NR1H4: variants seen among roughly 807,000 people sequenced by gnomAD.
NR1H4 encodes nuclear receptor subfamily 1 group H member 4.
NR1H4 carries 23 observed loss-of-function variants against 58.5 expected under a neutral mutation model. That is an observed-to-expected ratio of 0.39 (90% CI 0.28 to 0.56). The LOEUF is 0.56. Among genes scored for constraint, NR1H4 ranks in the 20% least tolerant of loss-of-function variants. The pLI is 0.58. For missense variants in NR1H4, 487 were observed against 576.9 expected, an observed-to-expected ratio of 0.84 and a Z score of 1.60; for synonymous variants, 214 against 198.0, an observed-to-expected ratio of 1.08 and a Z score of -0.68.
chr12:100,540,688 C>G lies in NR1H4; in HGVS notation c.948C>G (p.Asp316Glu), dbSNP rs778153216. 63 of 1,613,990 alleles carry G rather than the reference C, an allele frequency of 3.9e-5. 1 individual carries two copies. The South Asian group carries it at 6.9e-4, about 18-fold the overall frequency. Reference sequence around the variant, plus strand: ...ATTACCTAGGATTTCAGACTTTGGACCATGAAGACCAGATTGCTTTGCTGA... The same window carrying G: ...ATTACCTAGGATTTCAGACTTTGGAGCATGAAGACCAGATTGCTTTGCTGA... Reference protein sequence around the residue: ...TKKLPGFQTLDHEDQIALLKG... With the variant: ...TKKLPGFQTLEHEDQIALLKG... Residue 316 changes from aspartate (D) to glutamate (E), a missense_variant, in exon 9 of 11, where the codon GAC (aspartate) becomes GAG (glutamate). By Grantham distance (45) the Asp-to-Glu change is conservative. Coordinates refer to ENST00000392986, the MANE Select transcript of NR1H4 (RefSeq NM_001206979.2).
At chr12:100,502,422 C>G (rs139438387) in intron 3 of NR1H4, among the ~76,000 whole-genome samples, 1 of 152,322 alleles carries the variant, frequency 6.6e-6, no homozygotes, top group Non-Finnish European at 1.5e-5. Flanking sequence ...GGGCTCTCTC[C>G]TTGGCCCACA....
intron 1 of NR1H4, among the ~76,000 whole-genome samples, chr12:100,486,790 G>A (rs1953500950): frequency 6.6e-6 from 1 of 151,612 alleles, no homozygotes; most frequent in African/African-American, 2.4e-5. Flanking sequence ...GAGGGAAAAT[G>A]TACTCAAGAA....
chr12:100,532,420 G>A lies in NR1H4; in HGVS notation c.446-38G>A. 1.2e-6 allele frequency: 2 copies of A among 1,611,336 alleles called. 1 individual carries two copies. Among genetic ancestry groups the A allele is most frequent in the South Asian group, 2.2e-5 (2 of 90,972 alleles). ...ACCTGTTTTTTTCCTGAGAAGCTGT[G>A]AGAGGACTTTTTACACTTTTCAGTG... is the stretch of plus-strand genomic sequence containing the variant. On this transcript the variant is annotated intron_variant, in intron 4 of 10. Coordinates refer to ENST00000392986, the MANE Select transcript of NR1H4 (RefSeq NM_001206979.2).
At chr12:100,484,804 A>C (rs1953455835) in intron 1 of NR1H4, among the ~76,000 whole-genome samples, 1 of 152,134 alleles carries the variant, frequency 6.6e-6, no homozygotes, top group Non-Finnish European at 1.5e-5. Context: ...TGCCACTCAA[A>C]ATTTCCAGTA....
intron 6 of NR1H4, among the ~76,000 whole-genome samples, chr12:100,535,631 C>T (rs767642246): frequency 1.3e-5 from 2 of 152,210 alleles, no homozygotes; most frequent in African/African-American, 4.8e-5. Flanking sequence ...CCAAACCACA[C>T]CCTTCTCAAT....
intron 4 of NR1H4, among the ~76,000 whole-genome samples, chr12:100,528,880 C>G (rs1954625714): frequency 6.6e-6 from 1 of 152,124 alleles, no homozygotes; most frequent in Non-Finnish European, 1.5e-5. Flanking sequence ...AGCTGTCTAT[C>G]AGTATCTATG....
At chr12:100,532,926 AT>A (rs1954729922) in intron 5 of NR1H4, among the ~76,000 whole-genome samples, 1 of 152,196 alleles carries the variant, frequency 6.6e-6, no homozygotes, top group East Asian at 1.9e-4. Flanking sequence ...TTTCCTCTAA[AT>A]TTGATTTTAA....
rs772565074 is a variant in NR1H4 at position 100,511,009 on chromosome 12, C to G, written c.311C>G (p.Ala104Gly). 9.9e-6 allele frequency: 16 copies of G among 1,614,112 alleles called. No individual in the cohort carries two copies. In the South Asian group the frequency reaches 1.8e-4, roughly 18 times the overall value. Residue 104 changes from alanine to glycine, a missense_variant, in exon 4 of 11, where the codon GCA (alanine) becomes GGA (glycine). By Grantham distance (60) the Ala-to-Gly change is moderately conservative (BLOSUM62 0). Transcript: ENST00000392986. Reference protein sequence around the residue: ...ETLYQGETEVAEMPVTKKPRM... With the variant: ...ETLYQGETEVGEMPVTKKPRM... ...CTCTACCAGGGAGAAACTGAGGTAG[C>G]AGAGATGCCTGTAACAAAGAAGCCC...
intron 4 of NR1H4, among the ~76,000 whole-genome samples, chr12:100,519,200 A>G (rs983410173): frequency 6.6e-6 from 1 of 152,158 alleles, no homozygotes; most frequent in African/African-American, 2.4e-5. Flanking sequence ...TTTATTTTTT[A>G]AAATTGGATT....
At chr12:100,509,555 T>A (rs1954052941) in intron 3 of NR1H4, among the ~76,000 whole-genome samples, 1 of 152,244 alleles carries the variant, frequency 6.6e-6, no homozygotes, top group South Asian at 2.1e-4. Flanking sequence ...TTATCTCATA[T>A]AATCCTTACA....
intron 3 of NR1H4, among the ~76,000 whole-genome samples, chr12:100,497,705 A>T (rs1203548523): frequency 6.6e-6 from 1 of 152,226 alleles, no homozygotes; most frequent in Non-Finnish European, 1.5e-5. Flanking sequence ...GGATTAAAAA[A>T]GGCGTCTCTG....
At position 100,523,811 on chromosome 12, in the gene NR1H4, G is replaced by A. The variant is rs75629379; in HGVS notation, c.446-8647G>A. Among the ~76,000 whole-genome samples the A allele has an allele frequency of 1.6e-3, 250 of 152,152 alleles. 2 individuals carry two copies. The highest frequency in any genetic ancestry group is 9.7e-3 in the East Asian group (50 of 5,172). On this transcript the variant is annotated intron_variant, in intron 4 of 10. Transcript: ENST00000392986. ...ATTATTAAGTACCAGTTTGTATGCC[G>A]GAGTCTATTCTAAGCATAGGAGATG...
chr12:100,504,037 G>A (rs1361936356), intron 3 of NR1H4, among the ~76,000 whole-genome samples: 4 of 151,926 alleles, frequency 2.6e-5, no homozygotes, highest in African/African-American at 9.7e-5. Flanking sequence ...GAGATAAAAT[G>A]TATCTAAAAC....
chr12:100,547,733 A>C (rs949977752), intron 9 of NR1H4, among the ~76,000 whole-genome samples: 2 of 144,694 alleles, frequency 1.4e-5, no homozygotes, highest in Admixed American at 1.3e-4. Context: ...TTATTTATTT[A>C]TTTTGAGACA....
intron 8 of NR1H4, among the ~76,000 whole-genome samples, chr12:100,537,771 T>C (rs1954846918): frequency 6.6e-6 from 1 of 152,222 alleles, no homozygotes; most frequent in Non-Finnish European, 1.5e-5. Flanking sequence ...TGGAGTGCAA[T>C]GGCATGATCT....
chr12:100,563,502 G>C lies in NR1H4; in HGVS notation c.*13G>C. 6.3e-7 allele frequency: 1 copy of C among 1,591,562 alleles called. No homozygotes were observed. Among genetic ancestry groups the C allele is most frequent in the South Asian group, 1.1e-5 (1 of 90,620 alleles). Reference sequence around the variant, plus strand: ...GGACGTGCAGTGATGGGGATTACAGGGGAGGGGTCTAGCTCCTTTTTCTCT... The same window carrying C: ...GGACGTGCAGTGATGGGGATTACAGCGGAGGGGTCTAGCTCCTTTTTCTCT... On this transcript the variant is annotated 3_prime_UTR_variant, in exon 11 of 11. Coordinates refer to ENST00000392986, the MANE Select transcript of NR1H4 (RefSeq NM_001206979.2).
intron 4 of NR1H4, among the ~76,000 whole-genome samples, chr12:100,530,596 A>G (rs990260802): frequency 1.3e-5 from 2 of 152,226 alleles, no homozygotes; most frequent in African/African-American, 4.8e-5. Context: ...ATTTTGAGGG[A>G]ATGAAGAGAT....
chr12:100,487,353 C>T (rs1566428296), intron 1 of NR1H4, among the ~76,000 whole-genome samples: 1 of 152,050 alleles, frequency 6.6e-6, no homozygotes, highest in African/African-American at 2.4e-5. Flanking sequence ...ATTTTAATAA[C>T]TTTTCAGAAA....
At chr12:100,558,204 CAAAAAA>C (rs569114964) in intron 9 of NR1H4, among the ~76,000 whole-genome samples, 1 of 84,808 alleles carries the variant, frequency 1.2e-5, no homozygotes, top group African/African-American at 3.8e-5. Context: ...ACTAAAAATA[CAAAAAA>C]AAAAAAAAAA....
Sources: gnomAD v4.1 joint callset for allele counts (sites outside exome capture counted in the v4.1 genomes callset) on GRCh38, gnomAD v4.1.1 for gene constraint, MANE v1.5 for transcripts, NCBI Gene and HGNC (gene_info 2026-07-23, HGNC 2026-07-21) for gene names.